CACNA1G: variants seen among roughly 807,000 people sequenced by gnomAD.
CACNA1G encodes calcium voltage-gated channel subunit alpha1 G, also known as voltage-dependent T-type calcium channel subunit alpha-1G.
In CACNA1G, 67 loss-of-function variants were observed where a neutral mutation model predicts 219.4. The observed-to-expected ratio is 0.31, with a 90% CI of 0.25 to 0.37. The LOEUF is 0.37. Among genes scored for constraint, CACNA1G ranks in the 10% least tolerant of loss-of-function variants. The pLI, the probability that CACNA1G is intolerant of heterozygous loss-of-function variation, is 1.00. For missense variants in CACNA1G, 2,380 were observed against 3,231.4 expected (o/e 0.74, Z 6.39); for synonymous variants, 1,296 against 1,345.3 (o/e 0.96, Z 0.80).
At chr17:50,624,327 C>CCCCCCCCCG in intron 36 of CACNA1G, 33 bp from the exon 37 acceptor site, 1 of 1,098,676 alleles carries the variant, frequency 9.1e-7, no homozygotes, top group Non-Finnish European at 1.4e-6. Flanking sequence ...CATTCTCTCC[C>CCCCCCCCCG]CCCACCCCTC....
In CACNA1G at chr17:50,571,825, G is replaced by A; in HGVS notation, c.587-53G>A. The A allele has an allele frequency of 6.3e-7, 1 of 1,595,088 alleles. No homozygotes were observed. The highest frequency in any genetic ancestry group is 8.6e-7 in the Non-Finnish European group (1 of 1,168,112). The stretch of plus-strand genomic sequence containing the variant: ...CCGGGAGTGCTGCCGGGCCGTGGCA[G>A]TCAGCCTAGCCCGGCCAGCCTGGTG... On this transcript the variant is annotated intron_variant, in intron 4 of 37. Transcript: ENST00000359106. This position sits in a 1 kb window ranked among gnomAD's most constrained non-coding sequence, Gnocchi z 4.3.
rs1314506367 is a variant in CACNA1G, at chr17:50,623,954, G to A, written c.6108G>A (p.Val2036=). The A allele has an allele frequency of 6.2e-7, 1 of 1,613,236 alleles. No individual in the cohort carries two copies. Among genetic ancestry groups the A allele is most frequent in the African/African-American group, 1.3e-5 (1 of 74,930 alleles). The part of the protein sequence containing the change: ...TELPGPDLLT[V]RKSGVSRTHS... Reference sequence around the variant, plus strand: ...TGCCAGGACCAGACTTACTGACTGTGCGGAAGTCTGGGGTCAGCCGAACGC... The same window carrying A: ...TGCCAGGACCAGACTTACTGACTGTACGGAAGTCTGGGGTCAGCCGAACGC... Residue 2036 remains valine, a synonymous_variant, in exon 36 of 38, where the codon GTG becomes GTA. Coordinates refer to ENST00000359106, the MANE Select transcript of CACNA1G (RefSeq NM_018896.5).
At chr17:50,620,232 G>T (rs958262697) in intron 34 of CACNA1G, among the ~76,000 whole-genome samples, 1 of 152,172 alleles carries the variant, frequency 6.6e-6, no homozygotes, top group African/African-American at 2.4e-5. Context: ...CAGGGAGCCC[G>T]CTGCCAAGCT....
At chr17:50,588,056 C>G (rs150546931) in intron 9 of CACNA1G, among the ~76,000 whole-genome samples, 4 of 152,174 alleles carry the variant, frequency 2.6e-5, no homozygotes, top group Non-Finnish European at 5.9e-5. Context: ...TTTAAAAGAA[C>G]GTTTCATTAA....
At chr17:50,612,379 C>T (rs1172831991) in intron 26 of CACNA1G, among the ~76,000 whole-genome samples, 3 of 152,244 alleles carry the variant, frequency 2.0e-5, no homozygotes, top group Non-Finnish European at 2.9e-5. Flanking sequence ...GGGTCCACCC[C>T]GGCTTCCCAG....
chr17:50,582,678 C>T (rs1231088613), intron 9 of CACNA1G, among the ~76,000 whole-genome samples: 7 of 151,406 alleles, frequency 4.6e-5, no homozygotes. Context: ...GACACAGGAG[C>T]TTCCTAACAT....
intron 6 of CACNA1G, 54 bp downstream of exon 6, chr17:50,572,908 G>A (rs1348967003): frequency 1.7e-5 from 27 of 1,588,890 alleles, no homozygotes; most frequent in Non-Finnish European, 2.1e-5. Context: ...CCAGGACACA[G>A]CCCAGGATCG....
intron 7 of CACNA1G, 139 bp downstream of exon 7, chr17:50,573,252 A>G (rs951217128): frequency 1.9e-5 from 12 of 643,016 alleles, no homozygotes; most frequent in Non-Finnish European, 2.5e-5. Flanking sequence ...TCCATCATAT[A>G]GTAGGAGGGA....
In CACNA1G at chr17:50,571,842, A is replaced by G; in HGVS notation, c.587-36A>G. ...CCGTGGCAGTCAGCCTAGCCCGGCCAGCCTGGTGTCCCCAGCGTGGCTTCT... is the reference window on the plus strand; with the variant it reads ...CCGTGGCAGTCAGCCTAGCCCGGCCGGCCTGGTGTCCCCAGCGTGGCTTCT... On this transcript the variant is annotated intron_variant, in intron 4 of 37. Coordinates refer to ENST00000359106, the MANE Select transcript of CACNA1G (RefSeq NM_018896.5). This position sits in a 1 kb window ranked among gnomAD's most constrained non-coding sequence, Gnocchi z 4.3. 6.2e-7 allele frequency: 1 copy of G among 1,609,878 alleles called. No individual in the cohort carries two copies. The highest frequency in any genetic ancestry group is 8.5e-7 in the Non-Finnish European group (1 of 1,178,686).
chr17:50,586,987 G>A (rs1812131363), intron 9 of CACNA1G, among the ~76,000 whole-genome samples: 1 of 152,138 alleles, frequency 6.6e-6, no homozygotes, highest in Admixed American at 6.5e-5. Flanking sequence ...CAGGCTGCCT[G>A]GCCTCATTTC....
chr17:50,577,293 G>T (rs2040892384), intron 8 of CACNA1G, among the ~76,000 whole-genome samples: 2 of 151,958 alleles, frequency 1.3e-5, no homozygotes, highest in Non-Finnish European at 2.9e-5. Context: ...GAGAAATGTC[G>T]CTGAGAGCCC....
rs753647209 is a variant in CACNA1G, at chr17:50,578,149, G to T, written c.1925-39G>T. ...CACAGGGCAGGGTAGCCCCAGGTAC[G>T]AGACTCTGGAGCCTCTCACCTCTAC... On this transcript the variant is annotated intron_variant, in intron 8 of 37. Coordinates refer to ENST00000359106, the MANE Select transcript of CACNA1G (RefSeq NM_018896.5). This position sits in a 1 kb window ranked among gnomAD's most constrained non-coding sequence, Gnocchi z 4.5. 2.7e-6 allele frequency: 4 copies of T among 1,506,844 alleles called. No individual in the cohort carries two copies. Among genetic ancestry groups the T allele is most frequent in the Non-Finnish European group, 3.5e-6 (4 of 1,131,414 alleles). 93.3% of individuals were successfully genotyped at this position (1,506,844 alleles called of 1,614,324 possible).
At chr17:50,566,942 G>T (rs990765651) in intron 1 of CACNA1G, among the ~76,000 whole-genome samples, 2 of 152,210 alleles carry the variant, frequency 1.3e-5, no homozygotes, top group African/African-American at 4.8e-5. Flanking sequence ...GAGATCTACT[G>T]CCTCCACACA....
At position 50,605,971 on chromosome 17, in the gene CACNA1G, A is replaced by C. The variant is rs753284920; in HGVS notation, c.4370A>C (p.Glu1457Ala). ...RNITNKSDCAEASYRWVRHKY... is the reference protein window; with the variant it reads ...RNITNKSDCAAASYRWVRHKY... ...ATCACCAATAAATCGGACTGTGCCGAGGCCAGTTACCGGTGGGTCCGGCAC... is the reference window on the plus strand; with the variant it reads ...ATCACCAATAAATCGGACTGTGCCGCGGCCAGTTACCGGTGGGTCCGGCAC... Residue 1457 changes from glutamate (E) to alanine (A), a missense_variant, in exon 23 of 38, where the codon GAG becomes GCG. By Grantham distance (107) the Glu-to-Ala change is moderately radical. Coordinates refer to ENST00000359106, the MANE Select transcript of CACNA1G (RefSeq NM_018896.5). The C allele has an allele frequency of 1.2e-6, 2 of 1,613,890 alleles. No individual in the cohort carries two copies. The highest frequency in any genetic ancestry group is 2.2e-5 in the South Asian group (2 of 91,084).
chr17:50,606,457 C>T, intron 23 of CACNA1G: 1 of 587,818 alleles, frequency 1.7e-6, no homozygotes, highest in Non-Finnish European at 3.0e-6. Context: ...AATAGAATCT[C>T]CTCGGAGGTC....
Position 50,568,956 on chromosome 17 carries a change from A to T in CACNA1G, c.329A>T (p.Asp110Val). 1 of 1,609,438 alleles carries T rather than the reference A, an allele frequency of 6.2e-7. No individual in the cohort carries two copies. Among genetic ancestry groups the T allele is most frequent in the Non-Finnish European group, 8.5e-7 (1 of 1,179,286 alleles). Reference protein sequence around the residue: ...MFRPCEDIACDSQRCRILQAF... With the variant: ...MFRPCEDIACVSQRCRILQAF... ...CGGCCATGCGAGGACATCGCCTGTG[A>T]CTCCCAGCGCTGCCGGATCCTGCAG... Residue 110 changes from aspartate to valine, a missense_variant, in exon 2 of 38, where the codon GAC becomes GTC. By Grantham distance (152) the Asp-to-Val change is radical (BLOSUM62 -3). Around this residue, in one of 17 missense-constraint regions of CACNA1G, gnomAD observed 64 missense variants for 103.7 expected, o/e 0.62. Coordinates refer to ENST00000359106, the MANE Select transcript of CACNA1G (RefSeq NM_018896.5).
chr17:50,621,761 G>A lies in CACNA1G; in HGVS notation c.6027G>A (p.Met2009Ile). ...CGGATGACTCTTTGCCTGATGACAT[G>A]CACACACTCTTACTTAGTGCCCTGG... ...ALTDDSLPDDMHTLLLSALES... is the reference protein window; with the variant it reads ...ALTDDSLPDDIHTLLLSALES... Residue 2009 changes from methionine to isoleucine, a missense_variant, in exon 35 of 38, where the codon ATG becomes ATA. Physicochemically the swap from Met to Ile is conservative, Grantham distance 10. Coordinates refer to ENST00000359106, the MANE Select transcript of CACNA1G (RefSeq NM_018896.5). This position sits in a 1 kb window ranked among gnomAD's most constrained non-coding sequence, Gnocchi z 4.6. 1 of 1,613,918 alleles carries A rather than the reference G, an allele frequency of 6.2e-7. No homozygotes were observed. The highest frequency in any genetic ancestry group is 2.2e-5 in the East Asian group (1 of 44,884).
At chr17:50,615,214 G>C in intron 26 of CACNA1G, 147 bp from the exon 27 acceptor site, 1 of 761,394 alleles carries the variant, frequency 1.3e-6, no homozygotes, top group South Asian at 2.8e-5. Context: ...CCCCACCAAG[G>C]GGCAGCGTGG....
chr17:50,590,738 C>G, intron 10 of CACNA1G, 116 bp downstream of exon 10: 1 of 918,280 alleles, frequency 1.1e-6, no homozygotes. Context: ...TCAGGCCCCA[C>G]TGACCCCACA....
Sources: gnomAD v4.1 joint callset for allele counts (sites outside exome capture counted in the v4.1 genomes callset) on GRCh38, gnomAD v4.1.1 for gene constraint, gnomAD v4.1.1 regional missense constraint, Gnocchi (gnomAD v3.1) non-coding constraint, MANE v1.5 for transcripts, NCBI Gene and HGNC (gene_info 2026-07-23, HGNC 2026-07-21) for gene names.